Variants in HEXB observed in about 807,000 individuals in gnomAD.
The protein encoded by HEXB is hexosaminidase subunit beta.
In HEXB, 51 loss-of-function variants were observed where a neutral mutation model predicts 71.2. That is an observed-to-expected ratio of 0.72 (90% confidence interval 0.57 to 0.90). The LOEUF (loss-of-function observed/expected upper bound fraction) is 0.90. Ranked by LOEUF, HEXB falls within the 40% of genes least tolerant of loss-of-function variation. The pLI, the probability that HEXB is intolerant of heterozygous loss-of-function variation, is 0.00. For synonymous variants in HEXB, 266 were observed against 249.3 expected, an observed-to-expected ratio of 1.07 and a Z score of -0.63; for missense variants, 617 against 677.0, an observed-to-expected ratio of 0.91 and a Z score of 0.98.
At chr5:74,681,072 G>C (rs1459210975), upstream of HEXB, among the ~76,000 whole-genome samples, 2 of 152,042 alleles carry the variant, frequency 1.3e-5, no homozygotes, top group African/African-American at 4.8e-5. Context: ...TTAGTTCTTC[G>C]GGGCCCTGGA....
At chr5:74,645,347 G>A (rs769870312) in intron 1 of HEXB, among the ~76,000 whole-genome samples, 15 of 152,214 alleles carry the variant, frequency 9.9e-5, no homozygotes, top group South Asian at 4.2e-4. Flanking sequence ...GACTGCAAGC[G>A]GGTGCCATGG....
chr5:74,674,310 AAG>A (rs1748591003), intron 1 of HEXB, among the ~76,000 whole-genome samples: 3 of 152,218 alleles, frequency 2.0e-5, no homozygotes, highest in Non-Finnish European at 2.9e-5. Flanking sequence ...ATTAAGAAGA[AAG>A]GAGGTTTTCA....
chr5:74,710,126 G>C (rs1182024826), intron 6 of HEXB, among the ~76,000 whole-genome samples: 1 of 152,098 alleles, frequency 6.6e-6, no homozygotes. Context: ...CGCAAGCCTG[G>C]TTCAATATAC....
chr5:74,664,200 G>T (rs1472531113), intron 1 of HEXB, among the ~76,000 whole-genome samples: 1 of 151,302 alleles, frequency 6.6e-6, no homozygotes, highest in Non-Finnish European at 1.5e-5. Flanking sequence ...AGGTTGCAGT[G>T]AGCCAAGATT....
chr5:74,644,131 C>A (rs1337411824), intron 1 of HEXB, among the ~76,000 whole-genome samples: 1 of 152,208 alleles, frequency 6.6e-6, no homozygotes, highest in Non-Finnish European at 1.5e-5. Flanking sequence ...CGATCAACAT[C>A]CCTGAAGGGG....
intron 1 of HEXB, among the ~76,000 whole-genome samples, chr5:74,645,771 C>T (rs570370967): frequency 2.0e-5 from 3 of 152,152 alleles, no homozygotes; most frequent in Non-Finnish European, 4.4e-5. Context: ...ATCTTCACAG[C>T]CTATTGTAGG....
intron 1 of HEXB, among the ~76,000 whole-genome samples, chr5:74,643,316 C>G (rs1747941659): frequency 6.6e-6 from 1 of 152,208 alleles, no homozygotes; most frequent in African/African-American, 2.4e-5. Flanking sequence ...TATCACCCCA[C>G]TCACACAAAG....
chr5:74,709,424 G>A (rs1322203630), intron 6 of HEXB, among the ~76,000 whole-genome samples: 1 of 151,906 alleles, frequency 6.6e-6, no homozygotes, highest in African/African-American at 2.4e-5. Flanking sequence ...CTAGCAGAAG[G>A]CAAGAAATAA....
At chr5:74,708,781 G>A (rs1178748259) in intron 6 of HEXB, among the ~76,000 whole-genome samples, 2 of 151,232 alleles carry the variant, frequency 1.3e-5, no homozygotes, top group Admixed American at 6.6e-5. Flanking sequence ...GGAGCACCCA[G>A]ATTCATAAAG....
At chr5:74,644,763 C>CTTTTTTTTTTTTT (rs1747970041) in intron 1 of HEXB, among the ~76,000 whole-genome samples, 3 of 83,352 alleles carry the variant, frequency 3.6e-5, no homozygotes, top group African/African-American at 1.5e-4. Flanking sequence ...TCTTTTTTTT[C>CTTTTTTTTTTTTT]CTTTTTTTTT....
chr5:74,668,134 A>G (rs1379341172), intron 1 of HEXB, among the ~76,000 whole-genome samples: 1 of 152,058 alleles, frequency 6.6e-6, no homozygotes, highest in Non-Finnish European at 1.5e-5. Flanking sequence ...GACAAGAAAC[A>G]TTTACCTGGG....
chr5:74,719,176 C>G (rs1303724879), intron 11 of HEXB, among the ~76,000 whole-genome samples: 1 of 152,142 alleles, frequency 6.6e-6, no homozygotes, highest in African/African-American at 2.4e-5. Context: ...TTTAAACTCT[C>G]AAGAAACCAT....
intron 6 of HEXB, among the ~76,000 whole-genome samples, chr5:74,706,764 A>G (rs1414935229): frequency 6.6e-6 from 1 of 152,178 alleles, no homozygotes; most frequent in Non-Finnish European, 1.5e-5. Context: ...GCCATTGCCC[A>G]GGCTTGCTTA....
rs113411660 is a variant in HEXB at position 74,698,399 on chromosome 5, T to A, written c.669+1293T>A. Reference sequence around the variant, plus strand: ...AAAAATTATTATTATTATTATTATTTTTTTTTCTTTTTAGTTGAAGTCTTG... The same window carrying A: ...AAAAATTATTATTATTATTATTATTATTTTTTCTTTTTAGTTGAAGTCTTG... On this transcript the variant is annotated intron_variant, in intron 5 of 13. Coordinates refer to ENST00000261416, the MANE Select transcript of HEXB (RefSeq NM_000521.4). Among the ~76,000 whole-genome samples the A allele has an allele frequency of 3.7e-3, 551 of 148,912 alleles. 2 individuals are homozygous for A. The highest frequency in any genetic ancestry group is 0.022 in the East Asian group (107 of 4,970).
At chr5:74,703,986 T>C (rs1487183882) in intron 5 of HEXB, among the ~76,000 whole-genome samples, 1 of 152,214 alleles carries the variant, frequency 6.6e-6, no homozygotes, top group African/African-American at 2.4e-5. Context: ...GCCTCACAAA[T>C]AAAGTTTACA....
upstream of HEXB, among the ~76,000 whole-genome samples, chr5:74,682,160 C>T (rs1218371467): frequency 1.3e-5 from 2 of 152,216 alleles, no homozygotes; most frequent in African/African-American, 4.8e-5. Flanking sequence ...AGATCGAGAC[C>T]ATCCTGGCTA....
At chr5:74,659,457 G>A (rs1748278530) in intron 1 of HEXB, among the ~76,000 whole-genome samples, 1 of 152,154 alleles carries the variant, frequency 6.6e-6, no homozygotes, top group African/African-American at 2.4e-5. Flanking sequence ...AATGATAGCG[G>A]GGAAGCCACA....
intron 1 of HEXB, among the ~76,000 whole-genome samples, chr5:74,674,142 T>C (rs1748587798): frequency 6.6e-6 from 1 of 152,232 alleles, no homozygotes; most frequent in Non-Finnish European, 1.5e-5. Flanking sequence ...CACATTCTTA[T>C]AGCAATTTAA....
intron 6 of HEXB, chr5:74,705,749 A>G (rs1374997934): frequency 4.1e-6 from 1 of 244,404 alleles, no homozygotes; most frequent in African/African-American, 2.3e-5. Flanking sequence ...TTCTTAGAAA[A>G]TAATGGTAGT....
Sources: gnomAD v4.1 joint callset for allele counts (sites outside exome capture counted in the v4.1 genomes callset) on GRCh38, gnomAD v4.1.1 for gene constraint, MANE v1.5 for transcripts, NCBI Gene and HGNC (gene_info 2026-07-23, HGNC 2026-07-21) for gene names.